PDE1C: variants seen among roughly 807,000 people sequenced by gnomAD.
PDE1C encodes dual specificity calcium/calmodulin-dependent 3',5'-cyclic nucleotide phosphodiesterase 1C.
Under a neutral mutation model 93.1 loss-of-function variants are expected in PDE1C, and 62 were observed. The observed-to-expected ratio is 0.67, with a 90% CI of 0.54 to 0.82. The LOEUF (loss-of-function observed/expected upper bound fraction) is 0.82, where lower values mean the gene tolerates loss of function less well. Ranked by LOEUF, PDE1C falls within the 40% of genes least tolerant of loss-of-function variation. The pLI, the probability that PDE1C is intolerant of heterozygous loss-of-function variation, is 0.00. For synonymous variants in PDE1C, 325 were observed against 310.1 expected (o/e 1.05, Z -0.50); for missense variants, 742 against 884.6 (o/e 0.84, Z 2.04).
intron 1 of PDE1C, among the ~76,000 whole-genome samples, 155 bp downstream of exon 1, chr7:32,070,138 A>G (rs1795857864): frequency 6.6e-6 from 1 of 152,204 alleles, no homozygotes; most frequent in Non-Finnish European, 1.5e-5. Flanking sequence ...GAAAAGTAGC[A>G]GTGACTGTAA....
chr7:32,121,325 G>A (rs944949227), intron 3 of PDE1C, among the ~76,000 whole-genome samples: 3 of 152,100 alleles, frequency 2.0e-5, no homozygotes, highest in Non-Finnish European at 2.9e-5. Context: ...TTATCCAGGA[G>A]TACTTCCCTA....
the PDE1C span, chr7:31,651,098 G>T: frequency 6.3e-7 from 1 of 1,596,678 alleles, no homozygotes. Flanking sequence ...TCTTGCAGAG[G>T]ATCAGAGAGG....
chr7:32,319,513 C>T (rs1783244081), intron 1 of PDE1C, among the ~76,000 whole-genome samples: 1 of 152,248 alleles, frequency 6.6e-6, no homozygotes, highest in Non-Finnish European at 1.5e-5. Flanking sequence ...TGATCCCCAC[C>T]TGACACATGT....
chr7:32,081,312 T>C (rs1796649012), intron 3 of PDE1C, among the ~76,000 whole-genome samples: 1 of 152,252 alleles, frequency 6.6e-6, no homozygotes, highest in South Asian at 2.1e-4. Flanking sequence ...GCCTTCACTA[T>C]GGGCAGAGCC....
At chr7:31,711,955 A>G in the PDE1C span, among the ~76,000 whole-genome samples, 1 of 151,644 alleles carries the variant, frequency 6.6e-6, no homozygotes, top group Non-Finnish European at 1.5e-5. Context: ...CCTCCTACCC[A>G]TCTCCTACTC....
At chr7:31,992,263 A>G (rs891533546) in intron 2 of PDE1C, among the ~76,000 whole-genome samples, 1 of 152,192 alleles carries the variant, frequency 6.6e-6, no homozygotes, top group African/African-American at 2.4e-5. Context: ...AGTGACACCC[A>G]AGGGACCACA....
the PDE1C span, chr7:31,658,502 GAA>G: frequency 1.0e-6 from 1 of 993,360 alleles, no homozygotes; most frequent in Non-Finnish European, 1.3e-6. Flanking sequence ...CCTTTGAGAA[GAA>G]AAAGTTTTAG....
chr7:31,744,941 C>T, the PDE1C span, among the ~76,000 whole-genome samples: 2 of 151,886 alleles, frequency 1.3e-5, no homozygotes, highest in Non-Finnish European at 2.9e-5. Flanking sequence ...GATTTTGAAT[C>T]TTAAAAATAT....
At chr7:32,233,641 C>T (rs1188469539) in intron 1 of PDE1C, among the ~76,000 whole-genome samples, 1 of 151,856 alleles carries the variant, frequency 6.6e-6, no homozygotes, top group African/African-American at 2.4e-5. Flanking sequence ...GTTAAAACAG[C>T]CTTAAATACA....
At chr7:31,634,264 G>C in the PDE1C span, among the ~76,000 whole-genome samples, 7 of 152,120 alleles carry the variant, frequency 4.6e-5, no homozygotes, top group Admixed American at 2.6e-4. Context: ...GCTGAAAATG[G>C]TAATTTCTAA....
At chr7:32,185,060 G>A (rs1477844882) in intron 2 of PDE1C, among the ~76,000 whole-genome samples, 3 of 151,406 alleles carry the variant, frequency 2.0e-5, no homozygotes, top group Non-Finnish European at 4.4e-5. Flanking sequence ...GTGGTGAGTC[G>A]AGATCGCACC....
chr7:32,224,929 C>G, intron 1 of PDE1C, among the ~76,000 whole-genome samples: 1 of 151,552 alleles, frequency 6.6e-6, no homozygotes. Context: ...GCTATGGTCT[C>G]TGGAAGGGGA....
chr7:31,674,088 G>A, the PDE1C span, among the ~76,000 whole-genome samples: 10 of 152,278 alleles, frequency 6.6e-5, no homozygotes, highest in East Asian at 1.5e-3. Context: ...GCATACACCT[G>A]TGCAACTTAA....
At chr7:32,113,288 T>C (rs1404037144) in intron 3 of PDE1C, among the ~76,000 whole-genome samples, 1 of 142,980 alleles carries the variant, frequency 7.0e-6, no homozygotes. Context: ...TTTGGATCCA[T>C]ATATATATTT....
chr7:31,822,362 C>T (rs568598232), intron 14 of PDE1C, among the ~76,000 whole-genome samples: 1 of 152,198 alleles, frequency 6.6e-6, no homozygotes, highest in Admixed American at 6.5e-5. Context: ...TGCACAAGGG[C>T]ATCTCTCCCT....
intron 14 of PDE1C, among the ~76,000 whole-genome samples, chr7:31,818,078 A>G (rs1788491358): frequency 6.6e-6 from 1 of 152,176 alleles, no homozygotes; most frequent in South Asian, 2.1e-4. Flanking sequence ...AGGTGATTTA[A>G]ACATACAGAG....
chr7:31,643,716 C>T, the PDE1C span: 268 of 1,614,042 alleles, frequency 1.7e-4, 1 homozygote, highest in Admixed American at 7.7e-4. Flanking sequence ...TCACCAAATC[C>T]GTCTCTCTAG....
At chr7:32,279,747 C>A (rs1811506835) in intron 1 of PDE1C, among the ~76,000 whole-genome samples, 1 of 151,956 alleles carries the variant, frequency 6.6e-6, no homozygotes, top group Admixed American at 6.6e-5. Context: ...ATAACAATTA[C>A]ATTAATCTCC....
At chr7:32,000,754 T>C (rs11766488) in intron 2 of PDE1C, among the ~76,000 whole-genome samples, 53,693 of 152,068 alleles carry the variant, frequency 0.35, 10,984 homozygotes, top group African/African-American at 0.57. Context: ...CGGGGATGTC[T>C]GGTACCCTGG....
Sources: gnomAD v4.1 joint callset for allele counts (sites outside exome capture counted in the v4.1 genomes callset) on GRCh38, gnomAD v4.1.1 for gene constraint, MANE v1.5 for transcripts, NCBI Gene and HGNC (gene_info 2026-07-23, HGNC 2026-07-21) for gene names.